CHRM3: variants seen among roughly 807,000 people sequenced by gnomAD.
CHRM3 encodes muscarinic acetylcholine receptor M3.
CHRM3 carries 11 observed loss-of-function variants against 41.8 expected under a neutral mutation model. The observed-to-expected ratio is 0.26, with a 90% CI of 0.17 to 0.44. The LOEUF (loss-of-function observed/expected upper bound fraction) is 0.44. Ranked by LOEUF, CHRM3 falls within the 20% of genes least tolerant of loss-of-function variation. The pLI is 1.00. For missense variants in CHRM3, 571 were observed against 745.4 expected, an observed-to-expected ratio of 0.77 and a Z score of 2.72; for synonymous variants, 297 against 301.4, an observed-to-expected ratio of 0.99 and a Z score of 0.15.
chr1:239,821,960 T>G (rs1404882838), intron 5 of CHRM3, among the ~76,000 whole-genome samples: 1 of 152,276 alleles, frequency 6.6e-6, no homozygotes, highest in South Asian at 2.1e-4. Flanking sequence ...ACTCACTACG[T>G]CCTGCCACCC....
In CHRM3 at chr1:239,610,190, C is replaced by CAAAAAAAAAAAAAA. The variant is rs35512941; in HGVS notation, c.-312-22026_-312-22013dup. Among the ~76,000 whole-genome samples, 2 of 77,898 alleles carry CAAAAAAAAAAAAAA rather than the reference C, an allele frequency of 2.6e-5. 1 individual carries two copies. The highest frequency in any genetic ancestry group is 3.5e-4 in the Admixed American group (2 of 5,760). 51.1% of individuals were successfully genotyped at this position (77,898 alleles called of 152,430 possible). On this transcript the variant is annotated intron_variant, in intron 3 of 6. Coordinates refer to ENST00000676153, the MANE Select transcript of CHRM3 (RefSeq NM_001375978.1). ...CCTGGGCGACAGAGCAAGACTCTGT[C>CAAAAAAAAAAAAAA]AAAAAAAAAAAAAAAAAAAAAGGAC...
chr1:239,395,732 A>G (rs1191092442), intron 1 of CHRM3, among the ~76,000 whole-genome samples: 1 of 152,146 alleles, frequency 6.6e-6, no homozygotes, highest in East Asian at 1.9e-4. Context: ...CTGAGAAGAA[A>G]GGCTTTATGT....
At chr1:239,515,092 A>C (rs545738708) in intron 2 of CHRM3, among the ~76,000 whole-genome samples, 2 of 152,252 alleles carry the variant, frequency 1.3e-5, no homozygotes, top group Admixed American at 6.5e-5. Flanking sequence ...ACATCAAAAT[A>C]TTCTGATTTT....
intron 3 of CHRM3, among the ~76,000 whole-genome samples, chr1:239,591,492 C>T (rs1223669820): frequency 6.6e-6 from 1 of 152,080 alleles, no homozygotes; most frequent in East Asian, 1.9e-4. Flanking sequence ...GTCACACCAT[C>T]TTAACGTGCT....
At chr1:239,457,607 G>A (rs1665049688) in intron 1 of CHRM3, among the ~76,000 whole-genome samples, 1 of 152,094 alleles carries the variant, frequency 6.6e-6, no homozygotes, top group Non-Finnish European at 1.5e-5. Context: ...GTTCCATAGT[G>A]TGCACTAAGC....
chr1:239,586,517 G>A (rs571430936), intron 3 of CHRM3, among the ~76,000 whole-genome samples: 1 of 152,208 alleles, frequency 6.6e-6, no homozygotes, highest in South Asian at 2.1e-4. Flanking sequence ...CTAAAGGCCA[G>A]AAAATAATCC....
At chr1:239,716,280 G>A (rs1240218960) in intron 5 of CHRM3, among the ~76,000 whole-genome samples, 2 of 152,112 alleles carry the variant, frequency 1.3e-5, no homozygotes, top group Non-Finnish European at 2.9e-5. Context: ...AAAGTCGGTA[G>A]AGTTGAAAAG....
chr1:239,680,913 G>A (rs1658498402), intron 5 of CHRM3, among the ~76,000 whole-genome samples: 1 of 151,978 alleles, frequency 6.6e-6, no homozygotes, highest in Admixed American at 6.5e-5. Flanking sequence ...ATCCAAGACT[G>A]GGAAGAAAAA....
At chr1:239,811,209 C>T (rs1413437538) in intron 5 of CHRM3, among the ~76,000 whole-genome samples, 1 of 152,196 alleles carries the variant, frequency 6.6e-6, no homozygotes, top group Non-Finnish European at 1.5e-5. Context: ...CAATGAGGTT[C>T]ATGCGTTTTG....
intron 3 of CHRM3, among the ~76,000 whole-genome samples, chr1:239,611,293 A>T (rs1046914786): frequency 7.2e-5 from 11 of 152,080 alleles, no homozygotes; most frequent in African/African-American, 2.7e-4. Flanking sequence ...GTCCTTCTCG[A>T]TTATAGTCAT....
At chr1:239,887,745 C>G (rs551073512) in intron 6 of CHRM3, among the ~76,000 whole-genome samples, 5 of 152,248 alleles carry the variant, frequency 3.3e-5, no homozygotes, top group African/African-American at 1.2e-4. Flanking sequence ...GTGTCGGTTT[C>G]TCAGCTATAC....
In CHRM3 at chr1:239,677,123, C is replaced by G. The variant is rs751991025; in HGVS notation, c.-249-1063C>G. On this transcript the variant is annotated intron_variant, in intron 4 of 6. Transcript: ENST00000676153. Reference sequence around the variant, plus strand: ...ACCCCCTGCTCTGTGATGTCACCCTCTTACCTAACTCTCTGCTCCTTGAAC... The same window carrying G: ...ACCCCCTGCTCTGTGATGTCACCCTGTTACCTAACTCTCTGCTCCTTGAAC... Among the ~76,000 whole-genome samples the G allele has an allele frequency of 1.3e-4, 20 of 152,278 alleles. No homozygotes were observed. The Middle Eastern group carries it at 0.01, about 78-fold the overall frequency.
At chr1:239,859,687 A>T (rs1675447267) in intron 6 of CHRM3, among the ~76,000 whole-genome samples, 1 of 151,184 alleles carries the variant, frequency 6.6e-6, no homozygotes, top group Non-Finnish European at 1.5e-5. Context: ...AATTGCTAGG[A>T]TTACAGGCGT....
chr1:239,631,042 G>A (rs1669763569), intron 3 of CHRM3, among the ~76,000 whole-genome samples: 1 of 152,112 alleles, frequency 6.6e-6, no homozygotes, highest in Non-Finnish European at 1.5e-5. Context: ...GAGGGAGAGG[G>A]AGGCGCTAAA....
intron 5 of CHRM3, among the ~76,000 whole-genome samples, chr1:239,796,373 T>A (rs993551070): frequency 6.6e-6 from 1 of 152,132 alleles, no homozygotes; most frequent in Admixed American, 6.5e-5. Context: ...CACAGCATAT[T>A]TTAAGAAATT....
intron 3 of CHRM3, among the ~76,000 whole-genome samples, chr1:239,600,207 G>T (rs542780316): frequency 4.6e-5 from 7 of 152,002 alleles, no homozygotes; most frequent in African/African-American, 1.7e-4. Context: ...CACTCCCTTT[G>T]TTCAGACCCA....
chr1:239,804,407 CTG>C (rs1445768595), intron 5 of CHRM3, among the ~76,000 whole-genome samples: 1 of 151,728 alleles, frequency 6.6e-6, no homozygotes. Flanking sequence ...TGGTAGAGAA[CTG>C]TGGCAGGGTT....
intron 2 of CHRM3, among the ~76,000 whole-genome samples, chr1:239,518,411 A>G (rs1669414310): frequency 6.6e-6 from 1 of 152,178 alleles, no homozygotes; most frequent in Non-Finnish European, 1.5e-5. Context: ...TATGCATATT[A>G]TAAGTAGGAG....
intron 3 of CHRM3, among the ~76,000 whole-genome samples, chr1:239,550,161 C>T (rs1451202251): frequency 6.6e-6 from 1 of 152,084 alleles, no homozygotes; most frequent in Admixed American, 6.6e-5. Context: ...GTGCCATGAT[C>T]CCAGGAGCTT....
Sources: gnomAD v4.1 joint callset for allele counts (sites outside exome capture counted in the v4.1 genomes callset) on GRCh38, gnomAD v4.1.1 for gene constraint, MANE v1.5 for transcripts, NCBI Gene and HGNC (gene_info 2026-07-23, HGNC 2026-07-21) for gene names.